The following UBOX5 variants were observed in gnomAD, a reference collection of about 807,000 sequenced individuals.
UBOX5 encodes the protein RING finger protein 37.
Under a neutral mutation model 39.0 loss-of-function variants are expected in UBOX5, and 28 were observed. The ratio of observed to expected loss-of-function variants is 0.72; its 90% CI spans 0.53 to 0.98. UBOX5 has a LOEUF of 0.98. UBOX5 is among the 50% of genes least tolerant of loss of function. UBOX5 has a pLI of 0.00. For synonymous variants in UBOX5, 283 were observed against 275.5 expected (o/e 1.03, Z -0.27); for missense variants, 585 against 674.4 (o/e 0.87, Z 1.47).
intron 1 of UBOX5, chr20:3,148,797 G>C: frequency 6.2e-7 from 1 of 1,614,228 alleles, no homozygotes; most frequent in South Asian, 1.1e-5. Context: ...GAGCCCAGCT[G>C]CAATGTACTG....
chr20:3,146,671 C>T (rs1287064380), intron 1 of UBOX5: 6 of 1,353,128 alleles, frequency 4.4e-6, no homozygotes, highest in Admixed American at 2.2e-5. Flanking sequence ...CTCCTCAACA[C>T]ACTATTTTAT....
intron 1 of UBOX5, among the ~76,000 whole-genome samples, chr20:3,136,564 A>T (rs1199627624): frequency 6.6e-6 from 1 of 152,064 alleles, no homozygotes; most frequent in Non-Finnish European, 1.5e-5. Context: ...CACGTTGGCC[A>T]GAGTGGTCTC....
chr20:3,157,304 C>G (rs138332534), intron 1 of UBOX5, among the ~76,000 whole-genome samples: 1 of 152,134 alleles, frequency 6.6e-6, no homozygotes, highest in African/African-American at 2.4e-5. Context: ...ACCAGTACTG[C>G]GAAGGTGAAG....
intron 1 of UBOX5, chr20:3,147,494 G>C (rs1354737272): frequency 6.2e-7 from 1 of 1,614,158 alleles, no homozygotes. Flanking sequence ...TCTGTAATCT[G>C]GACACTCAAT....
In UBOX5 at chr20:3,121,998, GA is replaced by G; in HGVS notation, c.640del (p.Ser214GlnfsTer97). ...AGCCACATCCTGAGGCAGGTTCTCT[GA>G]GGTGACCAGCAGGATGCTGTCTATC... Reference protein sequence around the residue: ...EVIDSILLVTSENLPQDVALQ... With the variant: ...EVIDSILLVTXENLPQDVALQ... On this transcript the variant is annotated frameshift_variant, in exon 3 of 5. Transcript: ENST00000217173. LOFTEE classifies it high-confidence loss of function. 6.2e-7 allele frequency: 1 copy of G among 1,614,168 alleles called. No individual in the cohort carries two copies. The highest frequency in any genetic ancestry group is 2.2e-5 in the East Asian group (1 of 44,876).
At chr20:3,121,347 G>A (rs867990503) in intron 3 of UBOX5, 37 bp downstream of exon 3, 2 of 1,574,508 alleles carry the variant, frequency 1.3e-6, no homozygotes, top group Non-Finnish European at 1.7e-6. Flanking sequence ...GGAAGGAGAT[G>A]GATGAGCCTG....
At chr20:3,115,563 T>G (rs1266815299) in intron 3 of UBOX5, 97 bp from the exon 4 acceptor site, 8 of 1,297,854 alleles carry the variant, frequency 6.2e-6, no homozygotes, top group African/African-American at 3.0e-5. Context: ...GCACCTCCAA[T>G]CTCACACATC....
chr20:3,110,702 G>GAGAAGGA (rs1309560303), intron 4 of UBOX5: 3 of 281,986 alleles, frequency 1.1e-5, no homozygotes, highest in African/African-American at 2.2e-5. Context: ...GAGGCGACAA[G>GAGAAGGA]AGAAGGAAAA....
chr20:3,126,081 G>T (rs1226365407), intron 1 of UBOX5, among the ~76,000 whole-genome samples: 2 of 152,266 alleles, frequency 1.3e-5, no homozygotes, highest in African/African-American at 2.4e-5. Flanking sequence ...AAAGGGAAAT[G>T]TGGGGAAAAG....
Position 3,123,409 on chromosome 20 carries a change from T to G in UBOX5, c.-41-3A>C. The G allele has an allele frequency of 6.4e-7, 1 of 1,571,638 alleles. No homozygotes were observed. Among genetic ancestry groups the G allele is most frequent in the Non-Finnish European group, 8.7e-7 (1 of 1,145,690 alleles). On this transcript the variant is annotated splice_region_variant and splice_polypyrimidine_tract_variant and intron_variant, in intron 1 of 4. Coordinates refer to ENST00000217173, the MANE Select transcript of UBOX5 (RefSeq NM_014948.4). ...ATCTTCCAAGCATCAGAAGCAGCCT[T>G]AAATAAGAAATAAAACTATGTATTA... is the stretch of plus-strand genomic sequence containing the variant.
intron 1 of UBOX5, among the ~76,000 whole-genome samples, chr20:3,131,414 T>C (rs1484204507): frequency 6.6e-6 from 1 of 152,230 alleles, no homozygotes; most frequent in African/African-American, 2.4e-5. Flanking sequence ...ATGGGATACA[T>C]TAACACTTTT....
intron 4 of UBOX5, among the ~76,000 whole-genome samples, chr20:3,114,620 C>G: frequency 6.6e-6 from 1 of 151,966 alleles, no homozygotes; most frequent in Non-Finnish European, 1.5e-5. Context: ...TAAAGTGCCC[C>G]GGATGTCAGA....
At chr20:3,122,728 G>GATCAA in intron 2 of UBOX5, 144 bp from the exon 3 acceptor site, 1 of 1,201,742 alleles carries the variant, frequency 8.3e-7, no homozygotes, top group Non-Finnish European at 1.1e-6. Context: ...CCCAAGATCA[G>GATCAA]ATCAAAGGCC....
Position 3,148,009 on chromosome 20 carries a change from G to A in UBOX5, c.-42+11757C>T. 5 of 1,614,194 alleles carry A rather than the reference G, an allele frequency of 3.1e-6. No individual in the cohort carries two copies. The Admixed American group carries it at 8.3e-5, about 27-fold the overall frequency. The stretch of plus-strand genomic sequence containing the variant: ...ACATTTTAACAATATTCACTAAGGA[G>A]CGACTACTCAGATGCTGAATGTTAG... On this transcript the variant is annotated intron_variant, in intron 1 of 4. Transcript: ENST00000217173.
intron 1 of UBOX5, among the ~76,000 whole-genome samples, chr20:3,131,692 C>A (rs891652294): frequency 6.6e-6 from 1 of 152,172 alleles, no homozygotes; most frequent in Non-Finnish European, 1.5e-5. Flanking sequence ...ATATTCAAAA[C>A]CTGTAATTCA....
At position 3,123,333 on chromosome 20, in the gene UBOX5, T is replaced by C. The variant is rs765574817; in HGVS notation, c.33A>G (p.Arg11=). 27 of 1,614,020 alleles carry C rather than the reference T, an allele frequency of 1.7e-5. No individual in the cohort carries two copies. The African/African-American group carries it at 3.5e-4, about 21-fold the overall frequency. The change falls in exon 2 of 5, where the codon AGA becomes AGG. Residue 11 remains arginine (R), a synonymous_variant. Transcript: ENST00000217173. ...TTACCTTGTTGCAGTGAATTCTTGG[T>C]CTGAACTGTGGGAGGCAAAGATTTA... is the stretch of plus-strand genomic sequence containing the variant. MVINLCLPQF[R]PRIHCNKISA...
chr20:3,123,507 C>G, intron 1 of UBOX5, 101 bp from the exon 2 acceptor site: 1 of 751,880 alleles, frequency 1.3e-6, no homozygotes, highest in Non-Finnish European at 2.2e-6. Context: ...GCAACAAAAA[C>G]TTGAACACAC....
chr20:3,132,927 G>C (rs2066440612), intron 1 of UBOX5, among the ~76,000 whole-genome samples: 1 of 151,112 alleles, frequency 6.6e-6, no homozygotes, highest in African/African-American at 2.4e-5. Flanking sequence ...TTCAAGGCTA[G>C]CCTGGGCAAC....
intron 1 of UBOX5, among the ~76,000 whole-genome samples, chr20:3,145,906 C>T (rs1405911331): frequency 2.0e-5 from 3 of 151,860 alleles, no homozygotes; most frequent in Admixed American, 1.3e-4. Flanking sequence ...ATTAGCTGGG[C>T]GTGGTGGTGG....
Sources: allele counts gnomAD v4.1 joint callset (sites outside exome capture counted in the v4.1 genomes callset), GRCh38; gene constraint gnomAD v4.1.1; transcripts MANE v1.5; gene names NCBI Gene and HGNC (gene_info 2026-07-23, HGNC 2026-07-21).